The following MECOM variants were observed in gnomAD, a reference collection of about 807,000 sequenced individuals.
MECOM encodes histone-lysine N-methyltransferase MECOM.
MECOM carries 13 observed loss-of-function variants against 116.3 expected under a neutral mutation model. The ratio of observed to expected loss-of-function variants is 0.11; its 90% CI spans 0.07 to 0.18. MECOM has a LOEUF of 0.18. Ranked by LOEUF, MECOM falls within the 10% of genes least tolerant of loss-of-function variation. The pLI is 1.00. For synonymous variants in MECOM, 528 were observed against 535.2 expected (o/e 0.99, Z 0.19); for missense variants, 1,299 against 1,509.0 (o/e 0.86, Z 2.31).
At chr3:169,650,807 G>C (rs145486062) in intron 1 of MECOM, among the ~76,000 whole-genome samples, 1 of 151,916 alleles carries the variant, frequency 6.6e-6, no homozygotes, top group African/African-American at 2.4e-5. Flanking sequence ...CCTGGTTTGG[G>C]GAACTTCTCT....
intron 2 of MECOM, among the ~76,000 whole-genome samples, chr3:169,208,406 A>G (rs1750246660): frequency 6.6e-6 from 1 of 151,206 alleles, no homozygotes; most frequent in Admixed American, 6.6e-5. Flanking sequence ...CACTCCAGTT[A>G]TCTGTCTATA....
rs141044238 is a variant in MECOM at position 169,142,100 on chromosome 3, G to A, written c.510+1598C>T. Among the ~76,000 whole-genome samples the A allele has an allele frequency of 4.1e-3, 621 of 151,964 alleles. 5 individuals are homozygous for A. The highest frequency in any genetic ancestry group is 0.014 in the African/African-American group (597 of 41,524). On this transcript the variant is annotated intron_variant, in intron 3 of 16. Coordinates refer to ENST00000651503, the MANE Select transcript of MECOM (RefSeq NM_004991.4). ...GTAGCCTAATTCATAGTGAGAAACA[G>A]GAAAACAGTTTCCCTTTGCAATCAA...
intron 2 of MECOM, among the ~76,000 whole-genome samples, chr3:169,367,826 G>T (rs1056936930): frequency 1.3e-5 from 2 of 151,948 alleles, no homozygotes; most frequent in Admixed American, 1.3e-4. Flanking sequence ...TGTTCTTGAA[G>T]CTGATTGTCT....
intron 2 of MECOM, among the ~76,000 whole-genome samples, chr3:169,341,821 T>C (rs1724590832): frequency 6.6e-6 from 1 of 151,994 alleles, no homozygotes; most frequent in Admixed American, 6.6e-5. Context: ...AACTTAATTA[T>C]AGATTTTAAA....
At chr3:169,454,740 C>T (rs1469466848) in intron 1 of MECOM, among the ~76,000 whole-genome samples, 4 of 152,112 alleles carry the variant, frequency 2.6e-5, no homozygotes, top group African/African-American at 7.2e-5. Flanking sequence ...TGACCACTTT[C>T]TCAAACAATA....
At chr3:169,156,975 C>T (rs947438052) in intron 2 of MECOM, among the ~76,000 whole-genome samples, 9 of 152,124 alleles carry the variant, frequency 5.9e-5, no homozygotes, top group African/African-American at 1.9e-4. Flanking sequence ...AATCAGATGG[C>T]ATACAAAATT....
intron 1 of MECOM, among the ~76,000 whole-genome samples, chr3:169,470,516 A>G (rs934403787): frequency 6.6e-6 from 1 of 152,138 alleles, no homozygotes; most frequent in Non-Finnish European, 1.5e-5. Flanking sequence ...GAATAACACA[A>G]CTTCACAGTC....
At chr3:169,479,058 T>A (rs976538939) in intron 1 of MECOM, among the ~76,000 whole-genome samples, 1 of 152,206 alleles carries the variant, frequency 6.6e-6, no homozygotes, top group Admixed American at 6.5e-5. Flanking sequence ...CAGACAAACA[T>A]AATCCCTGTC....
chr3:169,394,815 C>T (rs943918543), intron 1 of MECOM, among the ~76,000 whole-genome samples: 1 of 152,096 alleles, frequency 6.6e-6, no homozygotes, highest in African/African-American at 2.4e-5. Context: ...CATTAATTTG[C>T]ATAGTACAAA....
At chr3:169,337,675 G>A (rs73036690) in intron 2 of MECOM, among the ~76,000 whole-genome samples, 1 of 152,062 alleles carries the variant, frequency 6.6e-6, no homozygotes, top group Non-Finnish European at 1.5e-5. Context: ...TCTGAAGCCC[G>A]AGCCAAATAC....
At chr3:169,397,410 A>G (rs1052074723) in intron 1 of MECOM, among the ~76,000 whole-genome samples, 4 of 152,224 alleles carry the variant, frequency 2.6e-5, no homozygotes, top group South Asian at 2.1e-4. Context: ...CTATTCCATT[A>G]TTTCAGCCCA....
chr3:169,501,318 T>C (rs1460316319), intron 1 of MECOM, among the ~76,000 whole-genome samples: 1 of 151,842 alleles, frequency 6.6e-6, no homozygotes, highest in Non-Finnish European at 1.5e-5. Flanking sequence ...AGAAATTACA[T>C]CCCTAGAGCT....
At chr3:169,258,110 C>G (rs1434672878) in intron 2 of MECOM, among the ~76,000 whole-genome samples, 1 of 152,104 alleles carries the variant, frequency 6.6e-6, no homozygotes, top group Non-Finnish European at 1.5e-5. Context: ...ATCCCAGCTA[C>G]TCAGGAGTTC....
intron 1 of MECOM, among the ~76,000 whole-genome samples, chr3:169,442,402 G>A (rs191424421): frequency 6.6e-6 from 1 of 152,328 alleles, no homozygotes; most frequent in Admixed American, 6.5e-5. Context: ...TGCCATTAAA[G>A]TATGAATTAG....
At chr3:169,186,321 A>AGGG (rs1746707852) in intron 2 of MECOM, among the ~76,000 whole-genome samples, 2 of 140,482 alleles carry the variant, frequency 1.4e-5, no homozygotes, top group Non-Finnish European at 3.1e-5. Context: ...AGGAAGGAAG[A>AGGG]AAGGAAGGAA....
chr3:169,447,669 G>C (rs765476069), intron 1 of MECOM, among the ~76,000 whole-genome samples: 12 of 152,182 alleles, frequency 7.9e-5, no homozygotes, highest in East Asian at 1.9e-4. Flanking sequence ...ATGATGAGTG[G>C]TTTATTACAC....
intron 8 of MECOM, 142 bp from the exon 9 acceptor site, chr3:169,113,016 T>C: frequency 1.7e-6 from 1 of 591,410 alleles, no homozygotes; most frequent in Non-Finnish European, 2.9e-6. Context: ...GAGACATCTG[T>C]CCAGTTCTTG....
intron 2 of MECOM, among the ~76,000 whole-genome samples, chr3:169,326,256 AGAT>A (rs1206356096): frequency 6.6e-6 from 1 of 152,204 alleles, no homozygotes; most frequent in Non-Finnish European, 1.5e-5. Flanking sequence ...AGAAGAGAAA[AGAT>A]GGATGCACTC....
intron 1 of MECOM, among the ~76,000 whole-genome samples, chr3:169,525,408 G>A (rs374442057): frequency 1.7e-3 from 261 of 152,250 alleles, no homozygotes; most frequent in African/African-American, 5.7e-3. Context: ...TAAATCTTTC[G>A]TAGTAATTCT....
Sources: gnomAD v4.1 joint callset for allele counts (sites outside exome capture counted in the v4.1 genomes callset) on GRCh38, gnomAD v4.1.1 for gene constraint, MANE v1.5 for transcripts, NCBI Gene and HGNC (gene_info 2026-07-23, HGNC 2026-07-21) for gene names.